CPXM2: variants seen among roughly 807,000 people sequenced by gnomAD.
The protein encoded by CPXM2 is carboxypeptidase X, M14 family member 2, also known as inactive carboxypeptidase-like protein X2.
A neutral mutation model predicts 86.1 loss-of-function variants in CPXM2; 66 were observed. That is an observed-to-expected ratio of 0.77 (90% CI 0.63 to 0.94). The LOEUF (loss-of-function observed/expected upper bound fraction) is 0.94, where lower values mean the gene tolerates loss of function less well. CPXM2 is among the 40% of genes least tolerant of loss of function. The pLI is 0.00. For synonymous variants in CPXM2, 388 were observed against 400.2 expected, an observed-to-expected ratio of 0.97 and a Z score of 0.36; for missense variants, 948 against 1,026.3, an observed-to-expected ratio of 0.92 and a Z score of 1.04.
intron 4 of CPXM2, among the ~76,000 whole-genome samples, chr10:123,837,210 G>A (rs1476233906): frequency 6.6e-6 from 1 of 152,188 alleles, no homozygotes; most frequent in Non-Finnish European, 1.5e-5. Flanking sequence ...CAGGGCTCAG[G>A]GCTGAGCCTC....
At chr10:123,916,463 G>A (rs1366437746) in intron 2 of CPXM2, among the ~76,000 whole-genome samples, 1 of 152,142 alleles carries the variant, frequency 6.6e-6, no homozygotes, top group Non-Finnish European at 1.5e-5. Context: ...TTCACTCTGT[G>A]CTCCTTTCCA....
intron 6 of CPXM2, among the ~76,000 whole-genome samples, chr10:123,786,488 C>A (rs866621970): frequency 6.6e-5 from 10 of 152,170 alleles, no homozygotes; most frequent in Middle Eastern, 3.2e-3. Flanking sequence ...TGACGGCAAA[C>A]AATTGGACAT....
chr10:123,809,835 T>A (rs191118287), intron 4 of CPXM2, among the ~76,000 whole-genome samples: 45 of 151,994 alleles, frequency 3.0e-4, no homozygotes, highest in African/African-American at 8.2e-4. Context: ...AAAATCAGCA[T>A]AATGGAAAAA....
At chr10:123,880,145 T>TGGGGGGGCCCCCCCCCCC in intron 2 of CPXM2, 66 bp downstream of exon 2, 3 of 407,576 alleles carry the variant, frequency 7.4e-6, no homozygotes, top group Admixed American at 3.3e-5. Context: ...CAGGGGCCTG[T>TGGGGGGGCCCCCCCCCCC]ACCCACCCAC....
intron 2 of CPXM2, among the ~76,000 whole-genome samples, chr10:123,866,501 G>T (rs2134204855): frequency 6.6e-6 from 1 of 152,124 alleles, no homozygotes; most frequent in South Asian, 2.1e-4. Flanking sequence ...GGAGGCGGAG[G>T]TTGCAGTGAG....
chr10:123,920,670 A>G (rs1044191936), intron 2 of CPXM2, among the ~76,000 whole-genome samples: 1 of 152,206 alleles, frequency 6.6e-6, no homozygotes, highest in African/African-American at 2.4e-5. Flanking sequence ...ATGTTTCTCC[A>G]TAGTTCACGT....
intron 2 of CPXM2, among the ~76,000 whole-genome samples, chr10:123,901,575 T>C (rs1256301300): frequency 2.0e-5 from 3 of 152,234 alleles, no homozygotes; most frequent in Admixed American, 6.5e-5. Flanking sequence ...CAAGTTCAAA[T>C]ATCTGATGCT....
intron 2 of CPXM2, among the ~76,000 whole-genome samples, chr10:123,901,429 TTGTGTGTGTGTGTGTGTGTGTG>T (rs3069582): frequency 3.6e-5 from 5 of 138,956 alleles, no homozygotes; most frequent in Admixed American, 3.6e-4. Context: ...CCAAGCAAGT[TTGTGTGTGTGTGTGTGTGTGTG>T]TGTGTGTGTG....
At chr10:123,902,440 C>T (rs1176798339) in intron 2 of CPXM2, among the ~76,000 whole-genome samples, 1 of 152,204 alleles carries the variant, frequency 6.6e-6, no homozygotes, top group Non-Finnish European at 1.5e-5. Context: ...TAGAGTAAAT[C>T]TTGGCATATA....
chr10:123,931,246 T>TAA (rs144761733), intron 2 of CPXM2, among the ~76,000 whole-genome samples: 3 of 152,024 alleles, frequency 2.0e-5, no homozygotes, highest in African/African-American at 7.2e-5. Context: ...CGAACCCCAG[T>TAA]AAAAAAAACC....
intron 10 of CPXM2, among the ~76,000 whole-genome samples, chr10:123,764,388 T>G (rs767607097): frequency 3.9e-5 from 6 of 152,218 alleles, no homozygotes; most frequent in Non-Finnish European, 8.8e-5. Context: ...AATTGTTAAA[T>G]TTTGTCAAAC....
At chr10:123,897,782 G>C (rs1411350568) in intron 2 of CPXM2, among the ~76,000 whole-genome samples, 1 of 152,260 alleles carries the variant, frequency 6.6e-6, no homozygotes, top group Non-Finnish European at 1.5e-5. Context: ...GGAACTCAGC[G>C]TGAGAAGCCA....
intron 6 of CPXM2, among the ~76,000 whole-genome samples, chr10:123,786,989 A>T (rs956442589): frequency 6.6e-5 from 10 of 152,156 alleles, no homozygotes; most frequent in Admixed American, 3.3e-4. Flanking sequence ...TGAAAAAAAC[A>T]GCCACAGATG....
intron 3 of CPXM2, among the ~76,000 whole-genome samples, chr10:123,849,788 T>A (rs540274258): frequency 1.6e-4 from 25 of 152,334 alleles, no homozygotes; most frequent in South Asian, 6.2e-4. Context: ...AAAGTTTTCA[T>A]TAATTTTATA....
intron 2 of CPXM2, among the ~76,000 whole-genome samples, chr10:123,871,673 A>G (rs772789621): frequency 3.9e-5 from 6 of 152,238 alleles, no homozygotes; most frequent in Non-Finnish European, 8.8e-5. Flanking sequence ...AAACATTCTT[A>G]GTCCAAAGCA....
chr10:123,824,318 G>A (rs982144772), intron 4 of CPXM2, among the ~76,000 whole-genome samples: 1 of 152,176 alleles, frequency 6.6e-6, no homozygotes, highest in East Asian at 1.9e-4. Context: ...CTGGAGATCA[G>A]AATGTTATTA....
At chr10:123,895,850 T>G (rs570787520), upstream of CPXM2, among the ~76,000 whole-genome samples, 1 of 152,360 alleles carries the variant, frequency 6.6e-6, no homozygotes, top group Admixed American at 6.5e-5. Flanking sequence ...AATGGTGTTC[T>G]TTAAAGTCAA....
intron 4 of CPXM2, among the ~76,000 whole-genome samples, chr10:123,799,978 CT>C (rs907347038): frequency 7.3e-6 from 1 of 136,814 alleles, no homozygotes; most frequent in African/African-American, 2.7e-5. Flanking sequence ...TACACCCCCT[CT>C]TTTAATTTTT....
intron 13 of CPXM2, among the ~76,000 whole-genome samples, chr10:123,748,345 A>C (rs186810205): frequency 6.2e-4 from 95 of 152,292 alleles, no homozygotes; most frequent in African/African-American, 2.2e-3. Context: ...TATCTTAGCA[A>C]GTCCTGAAGT....
Sources: allele counts gnomAD v4.1 joint callset (sites outside exome capture counted in the v4.1 genomes callset), GRCh38; gene constraint gnomAD v4.1.1; transcripts MANE v1.5; gene names NCBI Gene and HGNC (gene_info 2026-07-23, HGNC 2026-07-21).